The following ODAD2 variants were observed in gnomAD, a reference collection of about 807,000 sequenced individuals.
ODAD2 encodes outer dynein arm-docking complex subunit 2.
ODAD2 carries 89 observed loss-of-function variants against 106.8 expected under a neutral mutation model. The observed-to-expected ratio is 0.83, with a 90% CI of 0.70 to 0.99. The LOEUF is 0.99. Among genes scored for constraint, ODAD2 ranks in the 50% least tolerant of loss-of-function variants. The pLI is 0.00. For missense variants in ODAD2, 1,168 were observed against 1,238.5 expected, an observed-to-expected ratio of 0.94 and a Z score of 0.85; for synonymous variants, 404 against 436.2, an observed-to-expected ratio of 0.93 and a Z score of 0.92.
chr10:27,933,621 T>C (rs12246884), intron 16 of ODAD2, among the ~76,000 whole-genome samples: 14 of 152,108 alleles, frequency 9.2e-5, no homozygotes, highest in African/African-American at 3.4e-4. Context: ...TCAGAGGTAG[T>C]TGGTGGCCAA....
chr10:27,861,597 C>T (rs1476378837), intron 18 of ODAD2, among the ~76,000 whole-genome samples: 1 of 152,178 alleles, frequency 6.6e-6, no homozygotes, highest in Non-Finnish European at 1.5e-5. Flanking sequence ...CAGTAATACA[C>T]CTTGGTTGCC....
chr10:27,868,193 T>C (rs1040855664), intron 17 of ODAD2, among the ~76,000 whole-genome samples: 1 of 151,940 alleles, frequency 6.6e-6, no homozygotes, highest in African/African-American at 2.4e-5. Flanking sequence ...TGCTTGTGAG[T>C]CTGTGGAGAA....
intron 17 of ODAD2, among the ~76,000 whole-genome samples, chr10:27,897,006 G>A (rs1014042439): frequency 2.0e-5 from 3 of 152,000 alleles, no homozygotes; most frequent in Admixed American, 6.6e-5. Flanking sequence ...AACCACGACC[G>A]CCTAATTCCT....
chr10:27,887,917 C>T (rs908730563), intron 17 of ODAD2, among the ~76,000 whole-genome samples: 1 of 151,932 alleles, frequency 6.6e-6, no homozygotes, highest in African/African-American at 2.4e-5. Context: ...CAGTTGTACA[C>T]CAACAAGTTG....
At chr10:27,872,933 C>T (rs1440698096) in intron 17 of ODAD2, among the ~76,000 whole-genome samples, 1 of 152,062 alleles carries the variant, frequency 6.6e-6, no homozygotes, top group African/African-American at 2.4e-5. Flanking sequence ...AAGGAATGGT[C>T]CCCGCTCCTC....
intron 16 of ODAD2, among the ~76,000 whole-genome samples, chr10:27,922,089 C>G (rs2133970667): frequency 6.7e-6 from 1 of 149,342 alleles, no homozygotes; most frequent in South Asian, 2.1e-4. Flanking sequence ...ATATCTTGAG[C>G]CCAGAAGGTC....
intron 10 of ODAD2, among the ~76,000 whole-genome samples, chr10:27,955,547 A>T (rs900285707): frequency 1.3e-5 from 2 of 152,162 alleles, no homozygotes; most frequent in African/African-American, 4.8e-5. Context: ...TGAAACAAGG[A>T]TCAAACTACC....
chr10:27,925,043 T>C (rs1018032637), intron 16 of ODAD2, among the ~76,000 whole-genome samples: 22 of 146,822 alleles, frequency 1.5e-4, no homozygotes, highest in African/African-American at 5.5e-4. Flanking sequence ...CATTGATAAC[T>C]AGATTTTATA....
At chr10:27,838,983 T>C (rs1838109623) in intron 19 of ODAD2, among the ~76,000 whole-genome samples, 1 of 152,200 alleles carries the variant, frequency 6.6e-6, no homozygotes, top group African/African-American at 2.4e-5. Flanking sequence ...CTTATGCCAA[T>C]CTAACGCTTT....
At chr10:27,901,129 A>G (rs537921276) in intron 17 of ODAD2, among the ~76,000 whole-genome samples, 1 of 152,346 alleles carries the variant, frequency 6.6e-6, no homozygotes, top group African/African-American at 2.4e-5. Context: ...CAAAAACTCT[A>G]CAAGCCAAAA....
Position 27,985,145 on chromosome 10 carries a change from G to A in ODAD2, c.449C>T (p.Ala150Val). 4 of 1,595,020 alleles carry A rather than the reference G, an allele frequency of 2.5e-6. No homozygotes were observed. The highest frequency in any genetic ancestry group is 3.4e-6 in the Non-Finnish European group (4 of 1,169,884). The part of the protein sequence containing the change: ...DYNTMKENSI[A>V]LNILGKITRD... Reference sequence around the variant, plus strand: ...GGTAATTTTGCCAAGAATATTTAATGCAATTGAGTTTTCTTTCATTGTATT... The same window carrying A: ...GGTAATTTTGCCAAGAATATTTAATACAATTGAGTTTTCTTTCATTGTATT... The change falls in exon 4 of 20, where the codon GCA becomes GTA. Residue 150 changes from alanine to valine, a missense_variant. Physicochemically the swap from Ala to Val is moderately conservative, Grantham distance 64. This residue lies in a region of ODAD2 where 430 missense variants were observed against 452.2 expected (regional missense o/e 0.95). Coordinates refer to ENST00000305242, the MANE Select transcript of ODAD2 (RefSeq NM_018076.5).
chr10:27,884,482 T>G (rs1202802147), intron 17 of ODAD2, among the ~76,000 whole-genome samples: 4 of 152,166 alleles, frequency 2.6e-5, no homozygotes, highest in African/African-American at 9.7e-5. Flanking sequence ...ACTTTAAGTC[T>G]TATTTCCTTC....
intron 2 of ODAD2, among the ~76,000 whole-genome samples, chr10:27,994,466 A>C (rs1338369542): frequency 6.6e-6 from 1 of 152,172 alleles, no homozygotes; most frequent in African/African-American, 2.4e-5. Flanking sequence ...GTGGTGGCTC[A>C]TGCCTGTAAC....
chr10:27,824,570 T>A (rs1836892361), intron 19 of ODAD2, among the ~76,000 whole-genome samples: 1 of 152,238 alleles, frequency 6.6e-6, no homozygotes, highest in Admixed American at 6.5e-5. Context: ...CCAGTCTATA[T>A]TCTGTTATAG....
At chr10:27,887,772 AT>A (rs902438615) in intron 17 of ODAD2, among the ~76,000 whole-genome samples, 4 of 152,032 alleles carry the variant, frequency 2.6e-5, no homozygotes, top group African/African-American at 9.6e-5. Flanking sequence ...AAAACAACAC[AT>A]AAAATCAATG....
intron 7 of ODAD2, among the ~76,000 whole-genome samples, chr10:27,979,961 C>T (rs1364396740): frequency 6.6e-6 from 1 of 152,096 alleles, no homozygotes; most frequent in Non-Finnish European, 1.5e-5. Flanking sequence ...TATGTCAAAA[C>T]TATTATAACT....
Position 27,882,229 on chromosome 10 carries a change from G to GAAAT in ODAD2, c.2611-19608_2611-19607insATTT, listed in dbSNP as rs1323672625. ...AGAAAGAAAGAAAGAAAGAAAGAAA[G>GAAAT]AAAGAAATATGAACTCTCTGATCTC... On this transcript the variant is annotated intron_variant, in intron 17 of 19. Coordinates refer to ENST00000305242, the MANE Select transcript of ODAD2 (RefSeq NM_018076.5). 3.3e-5 allele frequency among the ~76,000 whole-genome samples: 5 copies of GAAAT among 149,364 alleles called. No individual in the cohort carries two copies. The South Asian group carries it at 6.4e-4, about 19-fold the overall frequency.
intron 17 of ODAD2, among the ~76,000 whole-genome samples, chr10:27,877,232 T>C (rs1841399707): frequency 6.6e-6 from 1 of 152,206 alleles, no homozygotes; most frequent in African/African-American, 2.4e-5. Flanking sequence ...TCACAGCGAC[T>C]AATGACTTCC....
At chr10:27,961,159 T>A (rs75886239) in intron 10 of ODAD2, among the ~76,000 whole-genome samples, 13,127 of 151,962 alleles carry the variant, frequency 0.086, 601 homozygotes, top group East Asian at 0.2. Flanking sequence ...TTTTATTCTA[T>A]GGGTTGAGAA....
Sources: allele counts gnomAD v4.1 joint callset (sites outside exome capture counted in the v4.1 genomes callset), GRCh38; gene constraint gnomAD v4.1.1; regional missense constraint gnomAD v4.1.1; transcripts MANE v1.5; gene names NCBI Gene and HGNC (gene_info 2026-07-23, HGNC 2026-07-21).